The following ADGRL2 variants were observed in gnomAD, a reference collection of about 807,000 sequenced individuals.
ADGRL2 encodes adhesion G protein-coupled receptor L2.
Under a neutral mutation model 157.4 loss-of-function variants are expected in ADGRL2, and 44 were observed. The ratio of observed to expected loss-of-function variants is 0.28; its 90% CI spans 0.22 to 0.36. The LOEUF is 0.36. ADGRL2 is among the 10% of genes least tolerant of loss of function. The probability of loss-of-function intolerance (pLI) is 1.00; values close to 1 mark genes in which losing one functional copy is unlikely to be tolerated. For missense variants in ADGRL2, 1,510 were observed against 1,768.9 expected, an observed-to-expected ratio of 0.85 and a Z score of 2.63; for synonymous variants, 585 against 624.7, an observed-to-expected ratio of 0.94 and a Z score of 0.95.
At chr1:81,351,346 G>A (rs577557243) in intron 1 of ADGRL2, among the ~76,000 whole-genome samples, 2 of 151,850 alleles carry the variant, frequency 1.3e-5, no homozygotes, top group African/African-American at 4.8e-5. Context: ...TTCTGCACCA[G>A]AGCCATAAAT....
At chr1:81,683,022 A>T (rs1379151645) in intron 3 of ADGRL2, among the ~76,000 whole-genome samples, 4 of 152,162 alleles carry the variant, frequency 2.6e-5, no homozygotes, top group Non-Finnish European at 5.9e-5. Flanking sequence ...AATCCCAGCT[A>T]CTCAGGAGGC....
chr1:81,736,097 C>T (rs1171240982), intron 1 of ADGRL2, among the ~76,000 whole-genome samples: 1 of 147,686 alleles, frequency 6.8e-6, no homozygotes, highest in Non-Finnish European at 1.5e-5. Context: ...GAACCGAGAT[C>T]ACGCCACTGC....
chr1:81,943,131 C>A lies in ADGRL2; in HGVS notation c.572C>A (p.Ala191Asp). The change falls in exon 6 of 24, where the codon GCT becomes GAT. Residue 191 changes from alanine to aspartate, a missense_variant. By Grantham distance (126) the Ala-to-Asp change is moderately radical. Coordinates refer to ENST00000686636, the MANE Select transcript of ADGRL2 (RefSeq NM_001366006.2). The surrounding 1 kb of genome is among the most constrained non-coding windows in gnomAD (Gnocchi z 5.6). Reference protein sequence around the residue: ...PYRTDTLIEYASLEDFQNSRQ... With the variant: ...PYRTDTLIEYDSLEDFQNSRQ... Reference sequence around the variant, plus strand: ...CGTACCGATACTTTAATAGAATATGCTTCTTTAGAAGATTTCCAAAATAGT... The same window carrying A: ...CGTACCGATACTTTAATAGAATATGATTCTTTAGAAGATTTCCAAAATAGT... 1 of 1,613,494 alleles carries A rather than the reference C, an allele frequency of 6.2e-7. No homozygotes were observed. The highest frequency in any genetic ancestry group is 1.3e-5 in the African/African-American group (1 of 74,974).
At chr1:81,495,628 A>G (rs1000563407) in intron 2 of ADGRL2, among the ~76,000 whole-genome samples, 8 of 152,150 alleles carry the variant, frequency 5.3e-5, no homozygotes, top group African/African-American at 1.9e-4. Context: ...CTCTTAATTG[A>G]TGAGCAGAAA....
intron 1 of ADGRL2, among the ~76,000 whole-genome samples, chr1:81,745,406 C>T (rs2085212466): frequency 6.6e-6 from 1 of 152,032 alleles, no homozygotes; most frequent in Non-Finnish European, 1.5e-5. Context: ...ACTCAGTTTC[C>T]TCAATTATAA....
intron 16 of ADGRL2, 137 bp downstream of exon 16, chr1:81,970,671 A>G (rs1471838136): frequency 1.8e-6 from 1 of 563,734 alleles, no homozygotes; most frequent in African/African-American, 2.0e-5. Flanking sequence ...TACCGTGCAC[A>G]AATTACAATC....
At chr1:81,893,866 T>C (rs2094323947) in intron 2 of ADGRL2, among the ~76,000 whole-genome samples, 1 of 152,214 alleles carries the variant, frequency 6.6e-6, no homozygotes, top group South Asian at 2.1e-4. Flanking sequence ...TTGTGTTCTT[T>C]AATAAAAACC....
chr1:81,421,156 C>T (rs1014679101), intron 1 of ADGRL2, among the ~76,000 whole-genome samples: 3 of 152,186 alleles, frequency 2.0e-5, no homozygotes, highest in African/African-American at 7.2e-5. Flanking sequence ...TTTAGAGCCT[C>T]ATTTTTTTCT....
intron 2 of ADGRL2, among the ~76,000 whole-genome samples, chr1:81,464,933 G>GAAAAAAAAAAAAGGAGAAA (rs2078021844): frequency 7.2e-6 from 1 of 138,786 alleles, no homozygotes; most frequent in Non-Finnish European, 1.5e-5. Flanking sequence ...CCACCAGGGA[G>GAAAAAAAAAAAAGGAGAAA]AAAAAAAAAA....
chr1:81,376,256 A>G (rs758749079), intron 1 of ADGRL2, among the ~76,000 whole-genome samples: 4 of 152,244 alleles, frequency 2.6e-5, no homozygotes, highest in African/African-American at 7.2e-5. Context: ...GCATTTTCCC[A>G]GCTGCCTGTG....
At chr1:81,593,990 A>T (rs371141950) in intron 3 of ADGRL2, among the ~76,000 whole-genome samples, 2 of 152,204 alleles carry the variant, frequency 1.3e-5, no homozygotes, top group East Asian at 1.9e-4. Flanking sequence ...ATAGATAGAC[A>T]ACTATGTATG....
intron 3 of ADGRL2, among the ~76,000 whole-genome samples, chr1:81,692,128 C>A (rs962158276): frequency 6.6e-6 from 1 of 151,410 alleles, no homozygotes; most frequent in Non-Finnish European, 1.5e-5. Flanking sequence ...CAAATTAGGC[C>A]GGGTGTGGTG....
chr1:81,741,551 T>A (rs1432833337), intron 1 of ADGRL2, among the ~76,000 whole-genome samples: 2 of 152,080 alleles, frequency 1.3e-5, no homozygotes, highest in Non-Finnish European at 2.9e-5. Flanking sequence ...TAAAGGTACA[T>A]GTGAATTTTA....
At chr1:81,913,277 C>A (rs1427364303) in intron 3 of ADGRL2, among the ~76,000 whole-genome samples, 2 of 152,156 alleles carry the variant, frequency 1.3e-5, no homozygotes, top group East Asian at 3.9e-4. Flanking sequence ...GTGGTGAGAA[C>A]TTCTTGTGTG....
At chr1:81,683,682 C>T (rs911478420) in intron 3 of ADGRL2, among the ~76,000 whole-genome samples, 2 of 151,162 alleles carry the variant, frequency 1.3e-5, no homozygotes, top group African/African-American at 2.4e-5. Context: ...TATGTATGTA[C>T]GTATGTATAT....
At chr1:81,838,227 C>A (rs2092382797) in intron 2 of ADGRL2, among the ~76,000 whole-genome samples, 1 of 151,906 alleles carries the variant, frequency 6.6e-6, no homozygotes, top group African/African-American at 2.4e-5. Context: ...TTATCATGTT[C>A]TCCTTGTCCC....
At chr1:81,533,446 T>C (rs544218975) in intron 2 of ADGRL2, among the ~76,000 whole-genome samples, 2 of 152,290 alleles carry the variant, frequency 1.3e-5, no homozygotes, top group African/African-American at 4.8e-5. Flanking sequence ...TCACATTCTT[T>C]TGCTCTTAAG....
At chr1:81,797,714 A>C (rs1157578785), upstream of ADGRL2, among the ~76,000 whole-genome samples, 1 of 152,214 alleles carries the variant, frequency 6.6e-6, no homozygotes, top group Non-Finnish European at 1.5e-5. Context: ...CAGTTTAAAA[A>C]TTAGCATAAC....
At chr1:81,563,495 AC>A (rs2080490901) in intron 2 of ADGRL2, among the ~76,000 whole-genome samples, 1 of 152,182 alleles carries the variant, frequency 6.6e-6, no homozygotes, top group Non-Finnish European at 1.5e-5. Context: ...TGGGGAATAA[AC>A]AATGGACTTG....
Sources: gnomAD v4.1 joint callset for allele counts (sites outside exome capture counted in the v4.1 genomes callset) on GRCh38, gnomAD v4.1.1 for gene constraint, Gnocchi (gnomAD v3.1) non-coding constraint, MANE v1.5 for transcripts, NCBI Gene and HGNC (gene_info 2026-07-23, HGNC 2026-07-21) for gene names.